The following TRAPPC9 variants were observed in gnomAD, a reference collection of about 807,000 sequenced individuals.
The protein encoded by TRAPPC9 is IKK2 binding protein.
Under a neutral mutation model 124.0 loss-of-function variants are expected in TRAPPC9, and 83 were observed. That is an observed-to-expected ratio of 0.67 (90% CI 0.56 to 0.80). TRAPPC9 has a LOEUF of 0.80. Among genes scored for constraint, TRAPPC9 ranks in the 30% least tolerant of loss-of-function variants. The pLI is 0.00. For missense variants in TRAPPC9, 1,302 were observed against 1,508.3 expected, an observed-to-expected ratio of 0.86 and a Z score of 2.27; for synonymous variants, 638 against 617.5, an observed-to-expected ratio of 1.03 and a Z score of -0.49.
At chr8:139,888,445 G>T (rs1165523362) in intron 20 of TRAPPC9, among the ~76,000 whole-genome samples, 2 of 152,080 alleles carry the variant, frequency 1.3e-5, no homozygotes, top group African/African-American at 4.8e-5. Context: ...TCATACCCCT[G>T]GCCTGTGGGT....
At chr8:140,032,234 G>T (rs941513751) in intron 17 of TRAPPC9, among the ~76,000 whole-genome samples, 1 of 152,170 alleles carries the variant, frequency 6.6e-6, no homozygotes, top group African/African-American at 2.4e-5. Flanking sequence ...AAATGTAAGT[G>T]ATATAAAATG....
At chr8:139,904,718 T>C (rs922153984) in intron 20 of TRAPPC9, 5 of 152,140 alleles carry the variant, frequency 3.3e-5, no homozygotes, top group South Asian at 2.1e-4. Flanking sequence ...TGCTCACCCA[T>C]AGGTGACCAA....
chr8:139,765,603 G>A (rs1820531192), intron 21 of TRAPPC9, among the ~76,000 whole-genome samples: 2 of 152,224 alleles, frequency 1.3e-5, no homozygotes, highest in Admixed American at 6.5e-5. Context: ...CCCATCAAGG[G>A]GCTGGGCAGG....
chr8:140,126,181 C>T (rs948784744), intron 17 of TRAPPC9, among the ~76,000 whole-genome samples: 13 of 152,046 alleles, frequency 8.6e-5, no homozygotes, highest in Non-Finnish European at 5.9e-5. Context: ...CGGAGGAAAC[C>T]AGATGAGGGG....
intron 15 of TRAPPC9, among the ~76,000 whole-genome samples, chr8:140,273,198 C>A (rs1050325593): frequency 1.3e-5 from 2 of 152,236 alleles, no homozygotes. Context: ...TTCCTCTCAA[C>A]TTCTGGGCCA....
intron 15 of TRAPPC9, among the ~76,000 whole-genome samples, chr8:140,271,518 A>G (rs972178535): frequency 6.6e-6 from 1 of 152,056 alleles, no homozygotes; most frequent in Non-Finnish European, 1.5e-5. Context: ...AAGTCAGGAG[A>G]GATGGGGAAG....
intron 19 of TRAPPC9, among the ~76,000 whole-genome samples, chr8:139,953,608 G>A (rs560164491): frequency 6.6e-6 from 1 of 152,130 alleles, no homozygotes; most frequent in Admixed American, 6.5e-5. Context: ...TCTGAGTGAC[G>A]CTTGAAAAGA....
intron 17 of TRAPPC9, among the ~76,000 whole-genome samples, chr8:140,212,677 T>C (rs748775098): frequency 4.7e-4 from 71 of 152,354 alleles, no homozygotes; most frequent in Non-Finnish European, 1.0e-3. Flanking sequence ...AGAGTCTACA[T>C]AGATTTCATA....
chr8:140,398,857 T>TCAC (rs755438001), intron 6 of TRAPPC9, among the ~76,000 whole-genome samples: 1 of 152,214 alleles, frequency 6.6e-6, no homozygotes, highest in Non-Finnish European at 1.5e-5. Context: ...GGGGAAAATG[T>TCAC]CAGAGGTCTT....
intron 21 of TRAPPC9, among the ~76,000 whole-genome samples, chr8:139,866,868 C>G (rs184527981): frequency 6.6e-6 from 1 of 152,168 alleles, no homozygotes; most frequent in Non-Finnish European, 1.5e-5. Context: ...ATGAATGACA[C>G]CCCACCCTGC....
At chr8:140,194,450 T>C (rs2062586005) in intron 17 of TRAPPC9, among the ~76,000 whole-genome samples, 1 of 152,234 alleles carries the variant, frequency 6.6e-6, no homozygotes, top group Non-Finnish European at 1.5e-5. Flanking sequence ...TATTGTATTA[T>C]TTAGGAACTA....
intron 17 of TRAPPC9, among the ~76,000 whole-genome samples, chr8:140,085,416 C>A (rs1430322119): frequency 2.0e-5 from 3 of 151,630 alleles, no homozygotes; most frequent in African/African-American, 7.3e-5. Flanking sequence ...TCTTTACCAT[C>A]CTGATAAAAT....
chr8:140,351,009 C>T (rs898713834), intron 9 of TRAPPC9, among the ~76,000 whole-genome samples: 6 of 151,738 alleles, frequency 4.0e-5, no homozygotes, highest in Non-Finnish European at 5.9e-5. Flanking sequence ...TTAAACAGAA[C>T]GAAGGCAGTC....
At chr8:140,425,665 C>A (rs978399688) in intron 5 of TRAPPC9, among the ~76,000 whole-genome samples, 3 of 152,164 alleles carry the variant, frequency 2.0e-5, no homozygotes, top group Non-Finnish European at 4.4e-5. Flanking sequence ...CAAACTGGGG[C>A]TCAGCAACTC....
chr8:140,311,199 G>C, intron 10 of TRAPPC9, 49 bp downstream of exon 10: 1 of 1,601,298 alleles, frequency 6.2e-7, no homozygotes, highest in Non-Finnish European at 8.5e-7. Flanking sequence ...ACTAGAGGAC[G>C]GTGTCCCAGA....
chr8:140,086,792 G>A (rs773793081), intron 17 of TRAPPC9, among the ~76,000 whole-genome samples: 4 of 152,008 alleles, frequency 2.6e-5, no homozygotes, highest in South Asian at 2.1e-4. Flanking sequence ...AAAATTAGCC[G>A]GGTGCAGTGG....
chr8:140,080,193 A>G (rs371190676), intron 17 of TRAPPC9, among the ~76,000 whole-genome samples: 30 of 152,308 alleles, frequency 2.0e-4, no homozygotes, highest in African/African-American at 7.0e-4. Context: ...ATTCCATATC[A>G]TGTGTGGGTC....
chr8:140,225,924 TTTTG>T (rs900201501), intron 16 of TRAPPC9, among the ~76,000 whole-genome samples: 9 of 152,358 alleles, frequency 5.9e-5, no homozygotes, highest in Admixed American at 5.2e-4. Context: ...CCCAGATTCT[TTTTG>T]TTTGTTTGTT....
At chr8:140,017,342 C>A (rs1278726151) in intron 18 of TRAPPC9, among the ~76,000 whole-genome samples, 1 of 152,176 alleles carries the variant, frequency 6.6e-6, no homozygotes, top group Admixed American at 6.5e-5. Context: ...TTTGAGAAGG[C>A]TTGCAGTTAA....
Sources: gnomAD v4.1 joint callset for allele counts (sites outside exome capture counted in the v4.1 genomes callset) on GRCh38, gnomAD v4.1.1 for gene constraint, MANE v1.5 for transcripts, NCBI Gene and HGNC (gene_info 2026-07-23, HGNC 2026-07-21) for gene names.